Variants in ZNF875 observed in about 807,000 individuals in gnomAD.
The protein encoded by ZNF875 is HKR1, GLI-Kruppel zinc finger family member.
ZNF875 carries 14 observed loss-of-function variants against 11.2 expected under a neutral mutation model. The observed-to-expected ratio is 1.26, with a 90% CI of 0.83 to 1.96. The LOEUF (loss-of-function observed/expected upper bound fraction) is 1.96, where lower values mean the gene tolerates loss of function less well. ZNF875 is among the 30% of genes most tolerant of loss of function. ZNF875 has a pLI of 0.00. For missense variants in ZNF875, 752 were observed against 760.4 expected, an observed-to-expected ratio of 0.99 and a Z score of 0.13; for synonymous variants, 301 against 281.1, an observed-to-expected ratio of 1.07 and a Z score of -0.71.
At chr19:37,316,106 C>T (rs2030171824), upstream of ZNF875, among the ~76,000 whole-genome samples, 1 of 152,148 alleles carries the variant, frequency 6.6e-6, no homozygotes, top group Non-Finnish European at 1.5e-5. Context: ...TAATGGAAAC[C>T]TGGCCTGCCA....
chr19:37,340,710 A>G (rs144447133), intron 2 of ZNF875, among the ~76,000 whole-genome samples: 1,807 of 133,938 alleles, frequency 0.013, 32 homozygotes, highest in East Asian at 0.059. Flanking sequence ...GTGCAGTGTC[A>G]CGATCTCAGC....
At chr19:37,335,542 T>C (rs1388076559) in intron 2 of ZNF875, among the ~76,000 whole-genome samples, 3 of 152,206 alleles carry the variant, frequency 2.0e-5, no homozygotes, top group Non-Finnish European at 2.9e-5. Context: ...GGGCACTTTG[T>C]CTCTAGTGGA....
rs756826264 is a variant in ZNF875, at chr19:37,362,949, A to T, written c.1097A>T (p.Tyr366Phe). The T allele has an allele frequency of 6.2e-7, 1 of 1,613,632 alleles. No homozygotes were observed. Among genetic ancestry groups the T allele is most frequent in the Non-Finnish European group, 8.5e-7 (1 of 1,179,950 alleles). Residue 366 changes from tyrosine to phenylalanine, a missense_variant, in exon 5 of 5, where the codon TAT (tyrosine) becomes TTT (phenylalanine). Tyr to Phe is a conservative substitution (Grantham distance 22). Coordinates refer to ENST00000392153, the MANE Select transcript of ZNF875 (RefSeq NM_001353803.2). ...HQRAHTGEKPYVCRECGRGFR... is the reference protein window; with the variant it reads ...HQRAHTGEKPFVCRECGRGFR... Reference sequence around the variant, plus strand: ...AGGGCGCACACTGGGGAGAAGCCTTATGTTTGCAGGGAATGTGGGCGTGGC... The same window carrying T: ...AGGGCGCACACTGGGGAGAAGCCTTTTGTTTGCAGGGAATGTGGGCGTGGC...
intron 4 of ZNF875, among the ~76,000 whole-genome samples, chr19:37,325,671 A>G (rs1221038465): frequency 2.0e-5 from 3 of 151,542 alleles, no homozygotes; most frequent in Non-Finnish European, 2.9e-5. Context: ...TCAGCCTTCC[A>G]GGTAGTTTGG....
chr19:37,354,743 T>A (rs2038596072), intron 4 of ZNF875, among the ~76,000 whole-genome samples: 1 of 152,188 alleles, frequency 6.6e-6, no homozygotes, highest in Admixed American at 6.5e-5. Flanking sequence ...GAATGGCTTA[T>A]GCAGACTGGG....
intron 2 of ZNF875, 40 bp downstream of exon 2, chr19:37,335,297 A>G (rs1353390952): frequency 8.8e-6 from 6 of 682,718 alleles, no homozygotes; most frequent in Admixed American, 2.0e-5. Context: ...TGTCAACAGA[A>G]TGGGTCCCAT....
At chr19:37,318,378 A>G (rs766455342) in intron 1 of ZNF875, among the ~76,000 whole-genome samples, 36 of 152,262 alleles carry the variant, frequency 2.4e-4, no homozygotes, top group Admixed American at 5.2e-4. Flanking sequence ...ACTTTTTGCC[A>G]GTTGTATTAT....
intron 2 of ZNF875, among the ~76,000 whole-genome samples, chr19:37,340,810 G>A (rs2035565292): frequency 6.6e-6 from 1 of 151,636 alleles, no homozygotes; most frequent in African/African-American, 2.4e-5. Flanking sequence ...CACCACGCCC[G>A]GCTAATTTTT....
rs753356332 is a variant in ZNF875, at chr19:37,363,285, T to G, written c.1433T>G (p.Phe478Cys). The change falls in exon 5 of 5, where the codon TTT (phenylalanine) becomes TGT (cysteine). Residue 478 changes from phenylalanine to cysteine, a missense_variant. Coordinates refer to ENST00000392153, the MANE Select transcript of ZNF875 (RefSeq NM_001353803.2). ...HQRSHTGEKP[F>C]VCTECGRGFT... ...AGGTCACACACGGGGGAGAAGCCAT[T>G]TGTATGTACGGAGTGTGGGCGAGGC... is the stretch of plus-strand genomic sequence containing the variant. The G allele has an allele frequency of 6.2e-6, 10 of 1,609,974 alleles. No homozygotes were observed. Among genetic ancestry groups the G allele is most frequent in the Non-Finnish European group, 7.6e-6 (9 of 1,178,438 alleles).
chr19:37,337,797 T>C (rs111293749), intron 2 of ZNF875: 2 of 152,292 alleles, frequency 1.3e-5, no homozygotes, highest in African/African-American at 4.8e-5. Flanking sequence ...CCTGACTTAA[T>C]TGAATGCAAT....
intron 3 of ZNF875, 65 bp downstream of exon 3, chr19:37,347,381 A>G: frequency 6.8e-7 from 1 of 1,467,932 alleles, no homozygotes; most frequent in South Asian, 1.3e-5. Flanking sequence ...CATCGTGAGG[A>G]AGGGCTACCT....
Position 37,363,577 on chromosome 19 carries a change from C to T in ZNF875, c.1725C>T (p.Leu575=). 2 of 1,613,496 alleles carry T rather than the reference C, an allele frequency of 1.2e-6. No individual in the cohort carries two copies. Among genetic ancestry groups the T allele is most frequent in the Non-Finnish European group, 1.7e-6 (2 of 1,179,832 alleles). The change falls in exon 5 of 5, where the codon CTC becomes CTT. Residue 575 remains leucine (L), a synonymous_variant. Coordinates refer to ENST00000392153, the MANE Select transcript of ZNF875 (RefSeq NM_001353803.2). ...CGQGFCAKLT[L]IKHQRAHAGG... ...AAGGCTTTTGTGCTAAGTTAACTCT[C>T]ATTAAACACCAGAGAGCACACGCAG...
chr19:37,361,174 G>A (rs373857152), intron 4 of ZNF875, among the ~76,000 whole-genome samples: 9 of 142,224 alleles, frequency 6.3e-5, no homozygotes, highest in African/African-American at 2.4e-4. Flanking sequence ...GTGGTGGCAC[G>A]ATCTCAGCTC....
chr19:37,322,505 G>T (rs1166750366), intron 2 of ZNF875, among the ~76,000 whole-genome samples: 1 of 152,196 alleles, frequency 6.6e-6, no homozygotes, highest in Non-Finnish European at 1.5e-5. Flanking sequence ...CTTATCCAGT[G>T]ATTGATTTTC....
At chr19:37,340,262 G>T (rs1484138436) in intron 2 of ZNF875, among the ~76,000 whole-genome samples, 1 of 152,172 alleles carries the variant, frequency 6.6e-6, no homozygotes, top group Admixed American at 6.5e-5. Flanking sequence ...GATTACAGGT[G>T]TGAGCCACCA....
At chr19:37,353,394 C>G (rs959197385) in intron 4 of ZNF875, among the ~76,000 whole-genome samples, 1 of 152,140 alleles carries the variant, frequency 6.6e-6, no homozygotes, top group Admixed American at 6.5e-5. Flanking sequence ...ACATCCTAAA[C>G]CCAATACTAC....
upstream of ZNF875, chr19:37,313,246 AAAC>A (rs998510988): frequency 1.3e-5 from 2 of 151,492 alleles, no homozygotes; most frequent in Non-Finnish European, 2.9e-5. Flanking sequence ...CAACAACAAC[AAAC>A]ACCACCACCA....
exon 1 of ZNF875, chr19:37,317,999 G>C (rs1289257912): frequency 6.4e-6 from 1 of 156,018 alleles, no homozygotes; most frequent in Non-Finnish European, 1.4e-5. Context: ...GACGTGGGAC[G>C]CTGGAGGGTC....
intron 2 of ZNF875, among the ~76,000 whole-genome samples, chr19:37,322,743 A>ACACTT (rs1424919213): frequency 6.6e-6 from 1 of 152,090 alleles, no homozygotes; most frequent in East Asian, 1.9e-4. Flanking sequence ...GCAGCTGTAA[A>ACACTT]CACTTCCTGG....
Sources: gnomAD v4.1 joint callset for allele counts (sites outside exome capture counted in the v4.1 genomes callset) on GRCh38, gnomAD v4.1.1 for gene constraint, MANE v1.5 for transcripts, NCBI Gene and HGNC (gene_info 2026-07-23, HGNC 2026-07-21) for gene names.